Variants in WASF2 observed in about 807,000 individuals in gnomAD.
WASF2 encodes the protein actin-binding protein WASF2.
WASF2 carries 14 observed loss-of-function variants against 45.0 expected under a neutral mutation model. The ratio of observed to expected loss-of-function variants is 0.31; its 90% CI spans 0.21 to 0.49. The LOEUF is 0.49. Ranked by LOEUF, WASF2 falls within the 20% of genes least tolerant of loss-of-function variation. The probability of loss-of-function intolerance (pLI) is 0.99; values close to 1 mark genes in which losing one functional copy is unlikely to be tolerated. For synonymous variants in WASF2, 200 were observed against 236.3 expected, an observed-to-expected ratio of 0.85 and a Z score of 1.41; for missense variants, 439 against 636.1, an observed-to-expected ratio of 0.69 and a Z score of 3.33.
intron 2 of WASF2, among the ~76,000 whole-genome samples, chr1:27,420,819 G>A (rs937138506): frequency 3.3e-5 from 5 of 152,146 alleles, no homozygotes; most frequent in South Asian, 4.2e-4. Context: ...CACCACGCCC[G>A]GGCCTACCAT....
chr1:27,455,455 G>A (rs142910195), intron 1 of WASF2, among the ~76,000 whole-genome samples: 12 of 152,204 alleles, frequency 7.9e-5, no homozygotes, highest in Middle Eastern at 6.8e-3. Context: ...TGAGAATTGG[G>A]GGTGGGTTAG....
intron 1 of WASF2, among the ~76,000 whole-genome samples, chr1:27,470,468 A>G (rs1161857566): frequency 6.6e-6 from 1 of 152,156 alleles, no homozygotes; most frequent in East Asian, 1.9e-4. Context: ...TCTGGGCATG[A>G]AAACAAGCAG....
Position 27,405,599 on chromosome 1 carries a change from C to CTTTTTTTTTTTTTTTTTTT in WASF2, c.*2571_*2589dup, listed in dbSNP as rs769753375. The CTTTTTTTTTTTTTTTTTTT allele has an allele frequency of 3.5e-5, 2 of 56,646 alleles. No individual in the cohort carries two copies. Among genetic ancestry groups the CTTTTTTTTTTTTTTTTTTT allele is most frequent in the East Asian group, 5.8e-4 (1 of 1,722 alleles). The allele number at this position is 56,646 out of a possible 1,614,324, so 3.5% of individuals were successfully genotyped here. ...TAAAGGGCTCTGGGTCTAAAGAAGC[C>CTTTTTTTTTTTTTTTTTTT]TTTTTTTTTTTTTTTTTTTTTTTTT... On this transcript the variant is annotated 3_prime_UTR_variant, in exon 9 of 9. Transcript: ENST00000618852.
chr1:27,423,912 A>T (rs952657136), intron 2 of WASF2, among the ~76,000 whole-genome samples: 1 of 152,182 alleles, frequency 6.6e-6, no homozygotes, highest in Non-Finnish European at 1.5e-5. Flanking sequence ...GTCAGTTAGA[A>T]ACCCAATATC....
intron 1 of WASF2, among the ~76,000 whole-genome samples, chr1:27,445,302 T>C (rs1002709788): frequency 2.6e-5 from 4 of 152,196 alleles, no homozygotes; most frequent in African/African-American, 7.2e-5. Context: ...CCCAGAGTGA[T>C]TCATAACTTT....
intron 1 of WASF2, among the ~76,000 whole-genome samples, chr1:27,476,553 C>G (rs534581624): frequency 2.0e-5 from 3 of 151,592 alleles, no homozygotes; most frequent in Middle Eastern, 3.4e-3. Flanking sequence ...CAAACTACAT[C>G]ACATGGTATA....
At chr1:27,423,387 T>C (rs2016934639) in intron 2 of WASF2, among the ~76,000 whole-genome samples, 1 of 152,114 alleles carries the variant, frequency 6.6e-6, no homozygotes, top group Non-Finnish European at 1.5e-5. Flanking sequence ...GGTTTCACCA[T>C]GTTGGCCAGG....
intron 1 of WASF2, among the ~76,000 whole-genome samples, chr1:27,478,908 G>T (rs1287783382): frequency 6.6e-6 from 1 of 152,088 alleles, no homozygotes; most frequent in African/African-American, 2.4e-5. Context: ...CTTGATGTGG[G>T]TGTTGGCTAC....
intron 1 of WASF2, among the ~76,000 whole-genome samples, chr1:27,464,895 A>T (rs1309622966): frequency 2.6e-5 from 4 of 152,230 alleles, no homozygotes; most frequent in African/African-American, 9.6e-5. Flanking sequence ...CGCCCGGCTA[A>T]TTATTGTATT....
chr1:27,425,447 A>G (rs1294405366), intron 2 of WASF2, among the ~76,000 whole-genome samples: 3 of 152,216 alleles, frequency 2.0e-5, no homozygotes, highest in Non-Finnish European at 4.4e-5. Context: ...TCACGCCTGT[A>G]ATCCCAACAC....
chr1:27,437,885 C>A (rs1352693661), intron 1 of WASF2, among the ~76,000 whole-genome samples: 1 of 152,076 alleles, frequency 6.6e-6, no homozygotes, highest in African/African-American at 2.4e-5. Context: ...AAAAACAACA[C>A]CCACACACAA....
chr1:27,439,457 T>C (rs981890736), intron 1 of WASF2, among the ~76,000 whole-genome samples: 1 of 152,216 alleles, frequency 6.6e-6, no homozygotes, highest in African/African-American at 2.4e-5. Flanking sequence ...TCAGGTCGTA[T>C]TAATGGTTAA....
At chr1:27,409,495 A>C (rs1025995913) in intron 8 of WASF2, among the ~76,000 whole-genome samples, 197 bp downstream of exon 8, 1 of 151,824 alleles carries the variant, frequency 6.6e-6, no homozygotes, top group African/African-American at 2.4e-5. Flanking sequence ...CAAGGTGGAA[A>C]GAAATCTAAA....
intron 1 of WASF2, among the ~76,000 whole-genome samples, chr1:27,432,647 CAAAAAAAAAAA>C (rs558826790): frequency 3.9e-5 from 2 of 51,384 alleles, no homozygotes; most frequent in Admixed American, 3.4e-4. Flanking sequence ...AACTCTGTCT[CAAAAAAAAAAA>C]AAAAAAAAAA....
intron 1 of WASF2, among the ~76,000 whole-genome samples, chr1:27,450,255 A>G (rs1291899999): frequency 2.6e-5 from 4 of 152,236 alleles, no homozygotes; most frequent in African/African-American, 9.6e-5. Flanking sequence ...GTAAAGAGAG[A>G]AAAATGATAG....
Position 27,415,967 on chromosome 1 carries a change from A to C in WASF2, c.537+18T>G. On this transcript the variant is annotated intron_variant, in intron 5 of 8. Coordinates refer to ENST00000618852, the MANE Select transcript of WASF2 (RefSeq NM_006990.5). Reference sequence around the variant, plus strand: ...TCGTGCCTACTGATGTGGAGAACAGAGGCCCCTTTCCCCTCACCCTATGCT... The same window carrying C: ...TCGTGCCTACTGATGTGGAGAACAGCGGCCCCTTTCCCCTCACCCTATGCT... The C allele has an allele frequency of 1.3e-6, 2 of 1,598,422 alleles. No homozygotes were observed. Among genetic ancestry groups the C allele is most frequent in the Non-Finnish European group, 1.7e-6 (2 of 1,166,010 alleles).
intron 1 of WASF2, among the ~76,000 whole-genome samples, chr1:27,452,528 A>G (rs1163464192): frequency 9.9e-5 from 15 of 151,878 alleles, no homozygotes; most frequent in Admixed American, 8.5e-4. Flanking sequence ...AAATAAATGA[A>G]TAAATAGGCC....
At chr1:27,483,659 G>A (rs894481395) in intron 1 of WASF2, among the ~76,000 whole-genome samples, 1 of 151,684 alleles carries the variant, frequency 6.6e-6, no homozygotes, top group African/African-American at 2.4e-5. Flanking sequence ...CAACAAAAAG[G>A]GGGTGAGGGG....
rs898577786 is a variant in WASF2, at chr1:27,461,629, A to AT, written c.-44+28356dup. ...AGGCGCCCGCCACCACGCCCAGCTA[A>AT]TTTTTTTTTTTAAATTTCTTATTTT... On this transcript the variant is annotated intron_variant, in intron 1 of 8. Coordinates refer to ENST00000618852, the MANE Select transcript of WASF2 (RefSeq NM_006990.5). 1.7e-4 allele frequency among the ~76,000 whole-genome samples: 26 copies of AT among 148,734 alleles called. 1 individual carries two copies. The Middle Eastern group carries it at 0.01, about 59-fold the overall frequency.
Sources: allele counts gnomAD v4.1 joint callset (sites outside exome capture counted in the v4.1 genomes callset), GRCh38; gene constraint gnomAD v4.1.1; transcripts MANE v1.5; gene names NCBI Gene and HGNC (gene_info 2026-07-23, HGNC 2026-07-21).